Variants in TMEFF2 observed in about 807,000 individuals in gnomAD.
TMEFF2 encodes tomoregulin-2.
A neutral mutation model predicts 53.8 loss-of-function variants in TMEFF2; 28 were observed. That is an observed-to-expected ratio of 0.52 (90% CI 0.39 to 0.71). The LOEUF (loss-of-function observed/expected upper bound fraction) is 0.71, where lower values mean the gene tolerates loss of function less well. TMEFF2 is among the 30% of genes least tolerant of loss of function. The pLI is 0.00. For synonymous variants in TMEFF2, 162 were observed against 166.3 expected, an observed-to-expected ratio of 0.97 and a Z score of 0.20; for missense variants, 353 against 455.2, an observed-to-expected ratio of 0.78 and a Z score of 2.04.
chr2:192,067,604 C>G (rs1359869475), intron 4 of TMEFF2, among the ~76,000 whole-genome samples: 1 of 151,786 alleles, frequency 6.6e-6, no homozygotes, highest in Non-Finnish European at 1.5e-5. Flanking sequence ...AATTAGTAAG[C>G]CTCTAATGAA....
At chr2:192,057,196 A>G (rs1687930153) in intron 5 of TMEFF2, among the ~76,000 whole-genome samples, 1 of 148,756 alleles carries the variant, frequency 6.7e-6, no homozygotes, top group Admixed American at 6.9e-5. Flanking sequence ...GGCTAGTGTG[A>G]CCATACCCAG....
chr2:192,033,314 G>T (rs1486628324), intron 5 of TMEFF2, among the ~76,000 whole-genome samples: 1 of 152,168 alleles, frequency 6.6e-6, no homozygotes, highest in Non-Finnish European at 1.5e-5. Context: ...ATTGATGATA[G>T]TTATTACGTA....
intron 4 of TMEFF2, among the ~76,000 whole-genome samples, chr2:192,071,836 A>G (rs1215345456): frequency 6.6e-6 from 1 of 151,898 alleles, no homozygotes; most frequent in East Asian, 1.9e-4. Flanking sequence ...TTTATTCCTT[A>G]GTTGGTTGAA....
At chr2:192,133,055 G>A (rs1689896013) in intron 4 of TMEFF2, among the ~76,000 whole-genome samples, 1 of 152,024 alleles carries the variant, frequency 6.6e-6, no homozygotes, top group African/African-American at 2.4e-5. Flanking sequence ...CGTAACTGTT[G>A]TAGGTATTGA....
At position 192,184,358 on chromosome 2, in the gene TMEFF2, G is replaced by A. The variant is rs750934704; in HGVS notation, c.408C>T (p.Ala136=). 2.0e-5 allele frequency: 32 copies of A among 1,612,908 alleles called. No individual in the cohort carries two copies. The highest frequency in any genetic ancestry group is 2.6e-5 in the Non-Finnish European group (31 of 1,179,322). Residue 136 remains alanine, a synonymous_variant, in exon 3 of 10, where the codon GCC becomes GCT. Transcript: ENST00000272771. The stretch of plus-strand genomic sequence containing the variant: ...CAAAGAAGATCACACACATACCTGT[G>A]GCACATGATCCTTCTGACACCACAA... The part of the protein sequence containing the change: ...EILVVSEGSC[A]TDAGSGSGDG...
chr2:192,031,186 A>G (rs1423796820), intron 5 of TMEFF2: 1 of 152,168 alleles, frequency 6.6e-6, no homozygotes, highest in Non-Finnish European at 1.5e-5. Context: ...ATATATCCTA[A>G]TAAGTCCTGT....
At position 191,954,393 on chromosome 2, in the gene TMEFF2, G is replaced by C. The variant is rs1189162425; in HGVS notation, c.870-556C>G. ...AATTTCAAAGGTAGGAGGATTACTA[G>C]ATAATTTGTTTTTGGTGACAATATA... On this transcript the variant is annotated intron_variant, in intron 8 of 9. Coordinates refer to ENST00000272771, the MANE Select transcript of TMEFF2 (RefSeq NM_016192.4). Among the ~76,000 whole-genome samples, 3 of 151,988 alleles carry C rather than the reference G, an allele frequency of 2.0e-5. No homozygotes were observed. In the East Asian group the frequency reaches 5.8e-4, roughly 29 times the overall value.
intron 4 of TMEFF2, among the ~76,000 whole-genome samples, chr2:192,175,834 T>C (rs752720140): frequency 1.3e-5 from 2 of 151,480 alleles, no homozygotes; most frequent in African/African-American, 2.4e-5. Flanking sequence ...AATATGGTTT[T>C]AATTTCACCA....
chr2:192,176,081 A>T (rs1445017275), intron 4 of TMEFF2, among the ~76,000 whole-genome samples: 2 of 151,378 alleles, frequency 1.3e-5, no homozygotes, highest in Non-Finnish European at 3.0e-5. Context: ...CTGTGGGTGG[A>T]TAAGAGGTTA....
At chr2:192,116,557 A>G (rs897851835) in intron 4 of TMEFF2, among the ~76,000 whole-genome samples, 3 of 152,140 alleles carry the variant, frequency 2.0e-5, no homozygotes, top group Non-Finnish European at 2.9e-5. Context: ...ATATTTTGCT[A>G]AAAGAATATA....
At chr2:192,171,306 A>G (rs1690906609) in intron 4 of TMEFF2, among the ~76,000 whole-genome samples, 1 of 152,042 alleles carries the variant, frequency 6.6e-6, no homozygotes, top group Admixed American at 6.6e-5. Context: ...AGATACTGTG[A>G]TCCCCAAATC....
In TMEFF2 at chr2:192,081,767, T is replaced by C. The variant is rs77477208; in HGVS notation, c.440-23992A>G. ...CATACTTTTAAATACATGAAAATCATTGATGAGGTACCATAATTATTAAAC... is the reference window on the plus strand; with the variant it reads ...CATACTTTTAAATACATGAAAATCACTGATGAGGTACCATAATTATTAAAC... On this transcript the variant is annotated intron_variant, in intron 4 of 9. Coordinates refer to ENST00000272771, the MANE Select transcript of TMEFF2 (RefSeq NM_016192.4). Among the ~76,000 whole-genome samples the C allele has an allele frequency of 6.6e-5, 10 of 152,108 alleles. No homozygotes were observed. In the East Asian group the frequency reaches 1.7e-3, roughly 26 times the overall value.
chr2:192,131,000 G>A (rs565124381), intron 4 of TMEFF2, among the ~76,000 whole-genome samples: 105 of 152,026 alleles, frequency 6.9e-4, no homozygotes, highest in African/African-American at 2.5e-3. Flanking sequence ...GACCACGCAG[G>A]GACGCCTGCC....
chr2:192,138,493 C>T (rs1690063303), intron 4 of TMEFF2, among the ~76,000 whole-genome samples: 1 of 152,314 alleles, frequency 6.6e-6, no homozygotes. Flanking sequence ...CCCCATAGGT[C>T]CGGTCTGAGG....
chr2:192,100,047 T>C (rs1021568122), intron 4 of TMEFF2, among the ~76,000 whole-genome samples: 1 of 152,194 alleles, frequency 6.6e-6, no homozygotes, highest in African/African-American at 2.4e-5. Flanking sequence ...AAGTTAGTAA[T>C]TGCTTTAAAA....
At chr2:192,002,523 T>C (rs1454907219) in intron 5 of TMEFF2, among the ~76,000 whole-genome samples, 2 of 151,814 alleles carry the variant, frequency 1.3e-5, no homozygotes. Context: ...AAAGATTTGC[T>C]AAAATGGCTT....
chr2:192,103,844 G>A (rs1689088628), intron 4 of TMEFF2, among the ~76,000 whole-genome samples: 1 of 151,538 alleles, frequency 6.6e-6, no homozygotes, highest in African/African-American at 2.4e-5. Context: ...GTGTGTTTGA[G>A]AGAGTAGAGG....
intron 4 of TMEFF2, among the ~76,000 whole-genome samples, chr2:192,157,443 T>C (rs866668519): frequency 6.6e-6 from 1 of 152,034 alleles, no homozygotes; most frequent in South Asian, 2.1e-4. Flanking sequence ...TAAAAACACA[T>C]AAAAGTTAGT....
At chr2:192,086,104 G>A (rs1344295619) in intron 4 of TMEFF2, among the ~76,000 whole-genome samples, 4 of 151,990 alleles carry the variant, frequency 2.6e-5, no homozygotes, top group South Asian at 2.1e-4. Flanking sequence ...CTGTATCTTC[G>A]GCCATTAATG....
Sources: allele counts gnomAD v4.1 joint callset (sites outside exome capture counted in the v4.1 genomes callset), GRCh38; gene constraint gnomAD v4.1.1; transcripts MANE v1.5; gene names NCBI Gene and HGNC (gene_info 2026-07-23, HGNC 2026-07-21).